The following GCAT variants were observed in gnomAD, a reference collection of about 807,000 sequenced individuals.
GCAT encodes the protein glycine C-acetyltransferase.
In GCAT, 26 loss-of-function variants were observed where a neutral mutation model predicts 39.7. The observed-to-expected ratio is 0.65, with a 90% CI of 0.48 to 0.91. GCAT has a LOEUF of 0.91. GCAT is among the 40% of genes least tolerant of loss of function. The probability of loss-of-function intolerance (pLI) is 0.00; values close to 1 mark genes in which losing one functional copy is unlikely to be tolerated. For synonymous variants in GCAT, 218 were observed against 237.2 expected (o/e 0.92, Z 0.74); for missense variants, 550 against 576.2 (o/e 0.95, Z 0.47).
intron 4 of GCAT, 63 bp from the exon 5 acceptor site, chr22:37,815,063 C>G: frequency 6.4e-7 from 1 of 1,551,812 alleles, no homozygotes; most frequent in Non-Finnish European, 8.8e-7. Flanking sequence ...CCAAGCAGCA[C>G]AAGAGACGGG....
chr22:37,812,291 A>C (rs1008829192), intron 2 of GCAT, among the ~76,000 whole-genome samples: 2 of 152,018 alleles, frequency 1.3e-5, no homozygotes, highest in African/African-American at 4.8e-5. Flanking sequence ...ACAGTAAGCT[A>C]TGGTCTCACT....
At position 37,815,815 on chromosome 22, in the gene GCAT, A is replaced by G. The variant is rs754026210; in HGVS notation, c.967A>G (p.Met323Val). The G allele has an allele frequency of 3.7e-5, 60 of 1,613,880 alleles. No homozygotes were observed. Among genetic ancestry groups the G allele is most frequent in the South Asian group, 7.7e-5 (7 of 91,086 alleles). The part of the protein sequence containing the change: ...LMGSNTIVQS[M>V]AAKTQRFRSK... ...GGGGAGTAACACCATTGTCCAGTCT[A>G]TGGCTGCCAAGACCCAGAGGTGCGA... Residue 323 changes from methionine to valine, a missense_variant, in exon 7 of 9, where the codon ATG becomes GTG. Coordinates refer to ENST00000248924, the MANE Select transcript of GCAT (RefSeq NM_014291.4).
In GCAT at chr22:37,815,187, C is replaced by T; in HGVS notation, c.638C>T (p.Pro213Leu). 3.1e-6 allele frequency: 5 copies of T among 1,614,084 alleles called. No homozygotes were observed. The highest frequency in any genetic ancestry group is 4.2e-6 in the Non-Finnish European group (5 of 1,179,980). Residue 213 changes from proline to leucine, a missense_variant, in exon 5 of 9, where the codon CCC becomes CTC. Coordinates refer to ENST00000248924, the MANE Select transcript of GCAT (RefSeq NM_014291.4). ...GAFSMDGDIAPLQEICCLASR... is the reference protein window; with the variant it reads ...GAFSMDGDIALLQEICCLASR... ...TTTTCCATGGATGGCGACATCGCAC[C>T]CCTGCAGGAGATCTGCTGCCTCGCC...
intron 1 of GCAT, 58 bp downstream of exon 1, chr22:37,808,221 A>T: frequency 1.2e-4 from 152 of 1,283,216 alleles, no homozygotes; most frequent in Non-Finnish European, 1.5e-4. Flanking sequence ...GCTGGAATGG[A>T]GGTCCTGGAG....
Position 37,816,200 on chromosome 22 carries a change from G to T in GCAT, c.987G>T (p.Arg329Ser), listed in dbSNP as rs1294477332. The part of the protein sequence containing the change: ...IVQSMAAKTQ[R>S]FRSKMEAAGF... ...TACCTGTGACACCTTGTGCCCACAG[G>T]TTCCGTAGTAAGATGGAAGCTGCTG... The change falls in exon 8 of 9, where the codon AGG becomes AGT. Residue 329 changes from arginine (R) to serine (S), a missense_variant and splice_region_variant. This residue lies in a region of GCAT where 378 missense variants were observed against 390.4 expected (regional missense o/e 0.97). Coordinates refer to ENST00000248924, the MANE Select transcript of GCAT (RefSeq NM_014291.4). 1.2e-6 allele frequency: 2 copies of T among 1,613,108 alleles called. No homozygotes were observed. Among genetic ancestry groups the T allele is most frequent in the Admixed American group, 3.3e-5 (2 of 59,988 alleles).
intron 4 of GCAT, among the ~76,000 whole-genome samples, chr22:37,813,811 G>C (rs1351649390): frequency 6.6e-6 from 1 of 151,986 alleles, no homozygotes; most frequent in Non-Finnish European, 1.5e-5. Context: ...TGTCGCCAAG[G>C]CTGGAGTATA....
At position 37,816,249 on chromosome 22, in the gene GCAT, C is replaced by T. The variant is rs142242726; in HGVS notation, c.1036C>T (p.His346Tyr). 5 of 1,613,496 alleles carry T rather than the reference C, an allele frequency of 3.1e-6. No homozygotes were observed. In the African/African-American group the frequency reaches 6.7e-5, roughly 22 times the overall value. Residue 346 changes from histidine to tyrosine, a missense_variant, in exon 8 of 9, where the codon CAC becomes TAC. Transcript: ENST00000248924. ...TGGCTTCACTATCTCGGGAGCCAGTCACCCCATCTGCCCTGTGATGCTGGG... is the reference window on the plus strand; with the variant it reads ...TGGCTTCACTATCTCGGGAGCCAGTTACCCCATCTGCCCTGTGATGCTGGG... ...AAGFTISGAS[H>Y]PICPVMLGDA...
chr22:37,814,496 C>G (rs1921943369), intron 4 of GCAT, among the ~76,000 whole-genome samples: 1 of 152,130 alleles, frequency 6.6e-6, no homozygotes, highest in Non-Finnish European at 1.5e-5. Context: ...CTCCTGACCT[C>G]AGGTGATCTA....
chr22:37,816,312 C>T lies in GCAT; in HGVS notation c.1099C>T (p.Leu367=), dbSNP rs781693057. The stretch of plus-strand genomic sequence containing the variant: ...GGCCTCTCGCATGGCGGATGACATG[C>T]TGAAGAGAGGTAAGGGTGCTGAGAC... ...RLASRMADDM[L]KRGIFVIGFS... The change falls in exon 8 of 9, where the codon CTG becomes TTG. Residue 367 remains leucine (L), a synonymous_variant. Transcript: ENST00000248924. The T allele has an allele frequency of 6.2e-7, 1 of 1,611,090 alleles. No homozygotes were observed. The highest frequency in any genetic ancestry group is 8.5e-7 in the Non-Finnish European group (1 of 1,179,934).
chr22:37,815,476 G>T lies in GCAT; in HGVS notation c.790G>T (p.Gly264Trp), dbSNP rs745812821. 19 of 1,609,394 alleles carry T rather than the reference G, an allele frequency of 1.2e-5. No individual in the cohort carries two copies. In the East Asian group the frequency reaches 3.6e-4, roughly 30 times the overall value. ...DQVTIINSTLGKALGGASGGY... is the reference protein window; with the variant it reads ...DQVTIINSTLWKALGGASGGY... ...GGTCACCATCATCAACTCCACCCTG[G>T]GGAAGGCCCTGGGTGGAGCATCAGG... The change falls in exon 6 of 9, where the codon GGG becomes TGG. Residue 264 changes from glycine (G) to tryptophan (W), a missense_variant. Transcript: ENST00000248924.
In GCAT at chr22:37,815,665, G is replaced by T. The variant is rs778468489; in HGVS notation, c.817G>T (p.Gly273Cys). 194 of 1,609,460 alleles carry T rather than the reference G, an allele frequency of 1.2e-4. No homozygotes were observed. Among genetic ancestry groups the T allele is most frequent in the Non-Finnish European group, 1.6e-4 (188 of 1,177,044 alleles). ...LGKALGGASG[G>C]YTTGPGPLVS... is the part of the protein sequence containing the mutation. ...CCCACCTCTTCCCTTCTTCTCAGGG[G>T]GCTACACGACAGGGCCTGGGCCCCT... The change falls in exon 7 of 9, where the codon GGC becomes TGC. Residue 273 changes from glycine (G) to cysteine (C), a missense_variant and splice_region_variant. Physicochemically the swap from Gly to Cys is radical, Grantham distance 159. Around this residue, in one of 3 missense-constraint regions of GCAT, gnomAD observed 378 missense variants for 390.4 expected, o/e 0.97. Coordinates refer to ENST00000248924, the MANE Select transcript of GCAT (RefSeq NM_014291.4).
rs758176600 is a variant in GCAT at position 37,815,748 on chromosome 22, T to A, written c.900T>A (p.Pro300=). Residue 300 remains proline, a synonymous_variant, in exon 7 of 9, where the codon CCT becomes CCA. Transcript: ENST00000248924. ...RPYLFSNSLP[P]AVVGCASKAL... ...ACCTCTTCTCCAACAGTCTGCCACC[T>A]GCTGTCGTTGGCTGCGCCTCCAAGG... 1 of 1,613,616 alleles carries A rather than the reference T, an allele frequency of 6.2e-7. No individual in the cohort carries two copies. The highest frequency in any genetic ancestry group is 1.7e-5 in the Admixed American group (1 of 60,004).
intron 7 of GCAT, 108 bp from the exon 8 acceptor site, chr22:37,816,092 T>C: frequency 7.3e-7 from 1 of 1,360,986 alleles, no homozygotes; most frequent in Non-Finnish European, 1.0e-6. Context: ...ACTGTCTTTG[T>C]TGATCCTTCT....
At chr22:37,814,108 T>TC (rs1921903855) in intron 4 of GCAT, among the ~76,000 whole-genome samples, 1 of 152,118 alleles carries the variant, frequency 6.6e-6, no homozygotes, top group African/African-American at 2.4e-5. Flanking sequence ...TTGAGGTTTT[T>TC]CCCTGTGTAT....
At chr22:37,808,490 C>A (rs926121372) in intron 1 of GCAT, among the ~76,000 whole-genome samples, 3 of 152,198 alleles carry the variant, frequency 2.0e-5, no homozygotes, top group African/African-American at 4.8e-5. Context: ...AGGCTGAAAT[C>A]CACAGATGTG....
chr22:37,811,584 T>C (rs1227048474), intron 2 of GCAT, among the ~76,000 whole-genome samples: 2 of 151,806 alleles, frequency 1.3e-5, no homozygotes, highest in Non-Finnish European at 2.9e-5. Context: ...AATAAATTTA[T>C]ATAAGTATGA....
At chr22:37,816,160 C>T (rs370647781) in intron 7 of GCAT, 40 bp from the exon 8 acceptor site, 37 of 1,604,242 alleles carry the variant, frequency 2.3e-5, no homozygotes, top group Non-Finnish European at 2.8e-5. Context: ...TGTGAATGCT[C>T]CACGGCCCCT....
intron 7 of GCAT, 127 bp downstream of exon 7, chr22:37,815,961 T>C: frequency 9.0e-7 from 1 of 1,109,176 alleles, no homozygotes; most frequent in Non-Finnish European, 1.3e-6. Context: ...CCCTCCCTTC[T>C]CTCTGTCCCT....
intron 2 of GCAT, among the ~76,000 whole-genome samples, chr22:37,811,573 A>T (rs1245796992): frequency 6.6e-6 from 1 of 152,014 alleles, no homozygotes; most frequent in Non-Finnish European, 1.5e-5. Context: ...AAATGTTACA[A>T]AATAAATTTA....
Sources: gnomAD v4.1 joint callset for allele counts (sites outside exome capture counted in the v4.1 genomes callset) on GRCh38, gnomAD v4.1.1 for gene constraint, gnomAD v4.1.1 regional missense constraint, MANE v1.5 for transcripts, NCBI Gene and HGNC (gene_info 2026-07-23, HGNC 2026-07-21) for gene names.